Variants in CSMD1 observed in about 807,000 individuals in gnomAD.
The protein encoded by CSMD1 is CUB and sushi domain-containing protein 1.
CSMD1 carries 213 observed loss-of-function variants against 417.5 expected under a neutral mutation model. The ratio of observed to expected loss-of-function variants is 0.51; its 90% CI spans 0.46 to 0.57. The LOEUF is 0.57. Ranked by LOEUF, CSMD1 falls within the 20% of genes least tolerant of loss-of-function variation. The pLI, the probability that CSMD1 is intolerant of heterozygous loss-of-function variation, is 0.00. For synonymous variants in CSMD1, 2,862 were observed against 1,736.8 expected (o/e 1.65, Z -16.11); for missense variants, 6,923 against 4,529.7 (o/e 1.53, Z -15.17).
At position 3,214,556 on chromosome 8, in the gene CSMD1, G is replaced by A. The variant is rs370240143; in HGVS notation, c.4808C>T (p.Thr1603Ile). 5 of 1,595,378 alleles carry A rather than the reference G, an allele frequency of 3.1e-6. No homozygotes were observed. Among genetic ancestry groups the A allele is most frequent in the African/African-American group, 1.3e-5 (1 of 74,680 alleles). The stretch of plus-strand genomic sequence containing the variant: ...TTTCCCATCAGCCCCAATCACACAG[G>A]TGATGGATGAGGGGTCAAGAATCTT... ...GYKILDPSSI[T>I]CVIGADGKPS... Residue 1603 changes from threonine to isoleucine, a missense_variant, in exon 30 of 70, where the codon ACC becomes ATC. Transcript: ENST00000635120.
At chr8:3,458,513 G>A (rs1265756620) in intron 12 of CSMD1, among the ~76,000 whole-genome samples, 1 of 152,138 alleles carries the variant, frequency 6.6e-6, no homozygotes, top group Non-Finnish European at 1.5e-5. Flanking sequence ...GTGATGACTG[G>A]AAACTCAATA....
At chr8:4,745,623 T>C (rs538588227) in intron 1 of CSMD1, among the ~76,000 whole-genome samples, 13 of 152,086 alleles carry the variant, frequency 8.5e-5, no homozygotes, top group Non-Finnish European at 1.6e-4. Context: ...AAGTAGAATG[T>C]AGAGAGAGAG....
In CSMD1 at chr8:3,608,381, A is replaced by C. The variant is rs891483669; in HGVS notation, c.1097+8329T>G. On this transcript the variant is annotated intron_variant, in intron 8 of 69. Coordinates refer to ENST00000635120, the MANE Select transcript of CSMD1 (RefSeq NM_033225.6). ...GGACATGGAAGCAGTTGAGAAGCTC[A>C]AGTTTCAGAGAATTCAGGGAGCTCC... is the stretch of plus-strand genomic sequence containing the variant. 5.3e-5 allele frequency among the ~76,000 whole-genome samples: 8 copies of C among 152,222 alleles called. No homozygotes were observed. The East Asian group carries it at 1.6e-3, about 30-fold the overall frequency.
intron 1 of CSMD1, among the ~76,000 whole-genome samples, chr8:4,923,270 A>G (rs535215510): frequency 6.6e-6 from 1 of 152,096 alleles, no homozygotes; most frequent in Non-Finnish European, 1.5e-5. Context: ...TTCACACTTG[A>G]CTCACTCATG....
intron 3 of CSMD1, among the ~76,000 whole-genome samples, chr8:4,401,804 C>G (rs1804663401): frequency 6.6e-6 from 1 of 152,176 alleles, no homozygotes; most frequent in Non-Finnish European, 1.5e-5. Flanking sequence ...TCCTCTCTCA[C>G]TCACCCCTCC....
chr8:3,439,244 A>T, intron 12 of CSMD1, among the ~76,000 whole-genome samples: 1 of 129,618 alleles, frequency 7.7e-6, no homozygotes, highest in Admixed American at 8.6e-5. Context: ...TGTTTGAGTG[A>T]CTCAACTTCT....
chr8:4,074,493 A>G (rs748072387), intron 3 of CSMD1, among the ~76,000 whole-genome samples: 1 of 152,122 alleles, frequency 6.6e-6, no homozygotes, highest in Non-Finnish European at 1.5e-5. Flanking sequence ...ATGAAAATCT[A>G]AAGTTTGATA....
At chr8:4,104,944 C>G (rs1398862413) in intron 3 of CSMD1, among the ~76,000 whole-genome samples, 2 of 152,056 alleles carry the variant, frequency 1.3e-5, no homozygotes. Flanking sequence ...TTTAAACATG[C>G]TTGCTCACAG....
chr8:4,033,225 G>C (rs1320328950), intron 3 of CSMD1, among the ~76,000 whole-genome samples: 3 of 151,330 alleles, frequency 2.0e-5, no homozygotes, highest in African/African-American at 7.3e-5. Context: ...AGGATCGTGA[G>C]GTCAAGAGAT....
chr8:4,268,109 C>G (rs1452509554), intron 3 of CSMD1, among the ~76,000 whole-genome samples: 1 of 152,062 alleles, frequency 6.6e-6, no homozygotes, highest in Non-Finnish European at 1.5e-5. Flanking sequence ...AAACCTAATC[C>G]AAGAATATTG....
rs1329878681 is a variant in CSMD1, at chr8:2,974,610, G to A, written c.8581C>T (p.His2861Tyr). Residue 2861 changes from histidine to tyrosine, a missense_variant, in exon 56 of 70, where the codon CAC becomes TAC. Coordinates refer to ENST00000635120, the MANE Select transcript of CSMD1 (RefSeq NM_033225.6). ...LPKCLAISCG[H>Y]PGVPANAVLT... ...ACGGCGTTGGCAGGGACCCCTGGGT[G>A]TCCACACGATATAGCTTCAGAAAAA... 12 of 1,605,802 alleles carry A rather than the reference G, an allele frequency of 7.5e-6. No individual in the cohort carries two copies. The highest frequency in any genetic ancestry group is 1.7e-5 in the Admixed American group (1 of 58,792).
In CSMD1 at chr8:3,273,511, A is replaced by C. The variant is rs531720314; in HGVS notation, c.4153+10633T>G. Among the ~76,000 whole-genome samples the C allele has an allele frequency of 1.0e-3, 152 of 152,192 alleles. 1 individual carries two copies. The Middle Eastern group carries it at 0.014, about 14-fold the overall frequency. On this transcript the variant is annotated intron_variant, in intron 26 of 69. Coordinates refer to ENST00000635120, the MANE Select transcript of CSMD1 (RefSeq NM_033225.6). ...GGAATAGTTTCAGAAGGAATGGTACAAATTCCTCCTTGTACCTCTGGTAGA... is the reference window on the plus strand; with the variant it reads ...GGAATAGTTTCAGAAGGAATGGTACCAATTCCTCCTTGTACCTCTGGTAGA...
At chr8:3,966,495 G>A (rs1387733741) in intron 5 of CSMD1, among the ~76,000 whole-genome samples, 1 of 152,078 alleles carries the variant, frequency 6.6e-6, no homozygotes, top group Non-Finnish European at 1.5e-5. Flanking sequence ...TTTATTGGGA[G>A]AAACAGGAGA....
chr8:4,529,388 C>G (rs1796679769), intron 2 of CSMD1, among the ~76,000 whole-genome samples: 1 of 152,118 alleles, frequency 6.6e-6, no homozygotes, highest in Admixed American at 6.5e-5. Flanking sequence ...AAATCAATAC[C>G]ACTTCTCTGG....
chr8:4,127,159 A>C (rs1802812884), intron 3 of CSMD1, among the ~76,000 whole-genome samples: 1 of 152,118 alleles, frequency 6.6e-6, no homozygotes, highest in African/African-American at 2.4e-5. Context: ...TGCTGCAGAA[A>C]CAAAGGATAT....
intron 5 of CSMD1, among the ~76,000 whole-genome samples, chr8:3,870,775 G>C (rs542055796): frequency 6.6e-6 from 1 of 152,074 alleles, no homozygotes; most frequent in South Asian, 2.1e-4. Context: ...ATATTAATTA[G>C]AGCTACTCAG....
At chr8:4,475,928 G>GT (rs1164545187) in intron 2 of CSMD1, among the ~76,000 whole-genome samples, 2 of 152,090 alleles carry the variant, frequency 1.3e-5, no homozygotes, top group East Asian at 3.9e-4. Flanking sequence ...ATTATACTTT[G>GT]TTGGTGTTAT....
chr8:3,648,616 G>T lies in CSMD1; in HGVS notation c.1010-31819C>A, dbSNP rs559260946. 2.0e-5 allele frequency among the ~76,000 whole-genome samples: 3 copies of T among 152,270 alleles called. No individual in the cohort carries two copies. In the East Asian group the frequency reaches 5.8e-4, roughly 29 times the overall value. On this transcript the variant is annotated intron_variant, in intron 7 of 69. Coordinates refer to ENST00000635120, the MANE Select transcript of CSMD1 (RefSeq NM_033225.6). Reference sequence around the variant, plus strand: ...AGAACAGATTTAATGACTTTCCCAAGAACGAGTTTCTCTAGAGCATAACAG... The same window carrying T: ...AGAACAGATTTAATGACTTTCCCAATAACGAGTTTCTCTAGAGCATAACAG...
At chr8:3,727,066 TATAAAG>T (rs1802540523) in intron 6 of CSMD1, among the ~76,000 whole-genome samples, 1 of 152,186 alleles carries the variant, frequency 6.6e-6, no homozygotes, top group Non-Finnish European at 1.5e-5. Context: ...TTTCTCTCTA[TATAAAG>T]ATAATGGCAT....
Sources: gnomAD v4.1 joint callset for allele counts (sites outside exome capture counted in the v4.1 genomes callset) on GRCh38, gnomAD v4.1.1 for gene constraint, MANE v1.5 for transcripts, NCBI Gene and HGNC (gene_info 2026-07-23, HGNC 2026-07-21) for gene names.